CAMK4: variants seen among roughly 807,000 people sequenced by gnomAD.
CAMK4 encodes the protein calcium/calmodulin dependent protein kinase IV, also known as calcium/calmodulin-dependent protein kinase type IV.
In CAMK4, 22 loss-of-function variants were observed where a neutral mutation model predicts 44.9. The ratio of observed to expected loss-of-function variants is 0.49; its 90% CI spans 0.35 to 0.70. The LOEUF is 0.70. CAMK4 is among the 30% of genes least tolerant of loss of function. CAMK4 has a pLI of 0.01. For synonymous variants in CAMK4, 218 were observed against 215.4 expected (o/e 1.01, Z -0.11); for missense variants, 498 against 586.8 (o/e 0.85, Z 1.56).
intron 1 of CAMK4, among the ~76,000 whole-genome samples, chr5:111,339,365 T>A (rs1749543271): frequency 6.6e-6 from 1 of 151,330 alleles, no homozygotes; most frequent in Admixed American, 6.6e-5. Flanking sequence ...GCTTCAGGTA[T>A]TACATTTGTA....
intron 1 of CAMK4, among the ~76,000 whole-genome samples, chr5:111,324,208 TA>T (rs2112701890): frequency 6.6e-6 from 1 of 152,016 alleles, no homozygotes; most frequent in African/African-American, 2.4e-5. Flanking sequence ...TTAACCTAAT[TA>T]TATCACAAAT....
chr5:111,311,786 T>C (rs1748215545), intron 1 of CAMK4, among the ~76,000 whole-genome samples: 2 of 152,112 alleles, frequency 1.3e-5, no homozygotes, highest in Admixed American at 6.6e-5. Flanking sequence ...AAACCAGCTG[T>C]GTTTGCTGTC....
At chr5:111,472,648 C>T (rs764956228) in intron 7 of CAMK4, among the ~76,000 whole-genome samples, 10 of 152,182 alleles carry the variant, frequency 6.6e-5, no homozygotes, top group East Asian at 3.8e-4. Flanking sequence ...TTCACAACAG[C>T]GGGCAGAACT....
chr5:111,441,583 TAGC>T, intron 5 of CAMK4, among the ~76,000 whole-genome samples: 1 of 152,184 alleles, frequency 6.6e-6, no homozygotes, highest in East Asian at 1.9e-4. Context: ...TAGACTGACA[TAGC>T]AGATTTTAAA....
rs148167598 is a variant in CAMK4, at chr5:111,317,103, G to A, written c.162-26921G>A. Among the ~76,000 whole-genome samples, 65 of 152,186 alleles carry A rather than the reference G, an allele frequency of 4.3e-4. No individual in the cohort carries two copies. The East Asian group carries it at 0.012, about 29-fold the overall frequency. On this transcript the variant is annotated intron_variant, in intron 1 of 10. Transcript: ENST00000282356. The stretch of plus-strand genomic sequence containing the variant: ...TAATAAAGGACATGGGCTTGGAACC[G>A]AAGACACCATGGGCTTCTGATACCT...
chr5:111,364,486 G>T (rs933422302), intron 2 of CAMK4, among the ~76,000 whole-genome samples: 5 of 152,082 alleles, frequency 3.3e-5, no homozygotes, highest in African/African-American at 1.2e-4. Context: ...CCTGTGAAAA[G>T]AATTTCTGGT....
At chr5:111,440,880 G>A (rs926751299) in intron 5 of CAMK4, among the ~76,000 whole-genome samples, 1 of 152,180 alleles carries the variant, frequency 6.6e-6, no homozygotes. Flanking sequence ...ATTTTACAAA[G>A]GATGTGAAAT....
chr5:111,308,106 C>G lies in CAMK4; in HGVS notation c.162-35918C>G, dbSNP rs1197042899. ...CACACTCTGGGGACTGTGGTGGGGT[C>G]GGGGGAGGGGGGAGGGATAGCATTG... is the stretch of plus-strand genomic sequence containing the variant. On this transcript the variant is annotated intron_variant, in intron 1 of 10. Coordinates refer to ENST00000282356, the MANE Select transcript of CAMK4 (RefSeq NM_001744.6). Among the ~76,000 whole-genome samples, 18 of 108,158 alleles carry G rather than the reference C, an allele frequency of 1.7e-4. No individual in the cohort carries two copies. The East Asian group carries it at 4.0e-3, about 24-fold the overall frequency. The allele number at this position is 108,158 out of a possible 152,430, so 71.0% of individuals were successfully genotyped here. A position where few individuals can be genotyped will look rare whatever the true frequency, so the allele number is the denominator to read the frequency against.
chr5:111,230,909 C>G (rs1748442278), intron 1 of CAMK4, among the ~76,000 whole-genome samples: 1 of 151,532 alleles, frequency 6.6e-6, no homozygotes, highest in African/African-American at 2.4e-5. Flanking sequence ...ATTTCAAGGT[C>G]AAATTCATAC....
intron 1 of CAMK4, among the ~76,000 whole-genome samples, chr5:111,317,266 T>C (rs181311727): frequency 1.3e-5 from 2 of 152,268 alleles, no homozygotes; most frequent in South Asian, 2.1e-4. Flanking sequence ...TTACATTACA[T>C]AGTGATTTAA....
At chr5:111,345,272 A>G (rs569419175) in intron 2 of CAMK4, among the ~76,000 whole-genome samples, 34 of 152,050 alleles carry the variant, frequency 2.2e-4, no homozygotes, top group African/African-American at 7.0e-4. Flanking sequence ...AATAATTTCA[A>G]TGGCACTTGC....
chr5:111,327,496 T>C (rs2112710999), intron 1 of CAMK4, among the ~76,000 whole-genome samples: 1 of 152,334 alleles, frequency 6.6e-6, no homozygotes, highest in South Asian at 2.1e-4. Flanking sequence ...TATAGCAGCA[T>C]GATTTACAGT....
rs758885402 is a variant in CAMK4 at position 111,484,366 on chromosome 5, T to G, written c.1322T>G (p.Leu441Arg). The stretch of plus-strand genomic sequence containing the variant: ...GAGGAGGGCCTAGCAGAGGAGAAGC[T>G]GAAGACTGTGGAGGAGGCAGCAGCT... ...ELEEGLAEEK[L>R]KTVEEAAAPR... Residue 441 changes from leucine to arginine, a missense_variant, in exon 11 of 11, where the codon CTG becomes CGG. This residue lies in a region of CAMK4 where 143 missense variants were observed against 144.9 expected (regional missense o/e 0.99). Transcript: ENST00000282356. The surrounding 1 kb of genome is among the most constrained non-coding windows in gnomAD (Gnocchi z 5.3). The G allele has an allele frequency of 1.2e-6, 2 of 1,609,138 alleles. No homozygotes were observed. The highest frequency in any genetic ancestry group is 1.7e-6 in the Non-Finnish European group (2 of 1,177,760).
chr5:111,491,763 T>G lies in CAMK4; in HGVS notation c.*7297T>G, dbSNP rs1197845852. The G allele has an allele frequency of 6.6e-6, 1 of 152,206 alleles. No individual in the cohort carries two copies. The highest frequency in any genetic ancestry group is 1.9e-4 in the East Asian group (1 of 5,200). 9.4% of individuals were successfully genotyped at this position (152,206 alleles called of 1,614,324 possible). A position where few individuals can be genotyped will look rare whatever the true frequency, so the allele number is the denominator to read the frequency against. On this transcript the variant is annotated 3_prime_UTR_variant, in exon 11 of 11. Transcript: ENST00000282356. ...GCTCACATTTAAGTCAATCTACAGC[T>G]GTTACTTACTAAGCTAAGAAATAAG...
intron 5 of CAMK4, among the ~76,000 whole-genome samples, chr5:111,445,977 A>T (rs757900567): frequency 1.3e-5 from 2 of 152,252 alleles, no homozygotes; most frequent in Non-Finnish European, 2.9e-5. Context: ...GAAATCAGGT[A>T]GGACTTCAGC....
chr5:111,411,466 A>G (rs938889428), intron 5 of CAMK4, among the ~76,000 whole-genome samples: 1 of 152,238 alleles, frequency 6.6e-6, no homozygotes, highest in Admixed American at 6.5e-5. Context: ...AGAGAAGGCA[A>G]CAGATTGCTC....
chr5:111,345,315 T>C lies in CAMK4; in HGVS notation c.240+1213T>C, dbSNP rs184652909. On this transcript the variant is annotated intron_variant, in intron 2 of 10. Coordinates refer to ENST00000282356, the MANE Select transcript of CAMK4 (RefSeq NM_001744.6). ...GAATTCTATATTCTGAATTTTCTGT[T>C]TGGTGTAGGCAATGATTTAACTTAT... is the stretch of plus-strand genomic sequence containing the variant. Among the ~76,000 whole-genome samples the C allele has an allele frequency of 6.6e-4, 101 of 152,036 alleles. 1 individual carries two copies. The highest frequency in any genetic ancestry group is 2.4e-3 in the African/African-American group (99 of 41,542).
chr5:111,462,594 G>T (rs1382859059), intron 7 of CAMK4, among the ~76,000 whole-genome samples: 2 of 152,196 alleles, frequency 1.3e-5, no homozygotes, highest in African/African-American at 2.4e-5. Flanking sequence ...TTCTGATGAA[G>T]AATGCCACTC....
At chr5:111,383,555 G>A (rs12653747) in intron 4 of CAMK4, among the ~76,000 whole-genome samples, 53,365 of 151,604 alleles carry the variant, frequency 0.35, 10,610 homozygotes, top group South Asian at 0.5. Flanking sequence ...GAGTTCCATG[G>A]AGGCAGTACA....
Sources: gnomAD v4.1 joint callset for allele counts (sites outside exome capture counted in the v4.1 genomes callset) on GRCh38, gnomAD v4.1.1 for gene constraint, gnomAD v4.1.1 regional missense constraint, Gnocchi (gnomAD v3.1) non-coding constraint, MANE v1.5 for transcripts, NCBI Gene and HGNC (gene_info 2026-07-23, HGNC 2026-07-21) for gene names.